Variants in RAB14 observed in about 807,000 individuals in gnomAD.
RAB14 encodes the protein RAB14, member RAS oncogene family.
RAB14 carries 3 observed loss-of-function variants against 31.1 expected under a neutral mutation model. The ratio of observed to expected loss-of-function variants is 0.10; its 90% CI spans 0.04 to 0.25. The LOEUF (loss-of-function observed/expected upper bound fraction) is 0.25. Among genes scored for constraint, RAB14 ranks in the 10% least tolerant of loss-of-function variants. RAB14 has a pLI of 1.00. For synonymous variants in RAB14, 85 were observed against 84.9 expected, an observed-to-expected ratio of 1.00 and a Z score of 0.00; for missense variants, 111 against 260.1, an observed-to-expected ratio of 0.43 and a Z score of 3.94.
rs895428852 is a variant in RAB14, at chr9:121,179,552, C to A, written c.*1844G>T. ...TACACACACACCAGCAGGTCATGGT[C>A]CCTGGGTGAGTCCCTTGTGATGCAA... On this transcript the variant is annotated 3_prime_UTR_variant, in exon 8 of 8. Transcript: ENST00000373840. The A allele has an allele frequency of 6.6e-6, 1 of 152,596 alleles. No homozygotes were observed. The highest frequency in any genetic ancestry group is 2.1e-4 in the South Asian group (1 of 4,826). The allele number at this position is 152,596 out of a possible 1,614,324, so 9.5% of individuals were successfully genotyped here.
chr9:121,195,645 C>T (rs1054419903), intron 1 of RAB14, among the ~76,000 whole-genome samples: 4 of 152,134 alleles, frequency 2.6e-5, no homozygotes, highest in Middle Eastern at 3.4e-3. Context: ...ATCACTATTT[C>T]GGATTTAATA....
intron 5 of RAB14, among the ~76,000 whole-genome samples, chr9:121,184,696 C>T (rs1329752827): frequency 1.3e-5 from 2 of 152,130 alleles, no homozygotes; most frequent in Admixed American, 6.5e-5. Flanking sequence ...CATGCAAGGA[C>T]AGTTAAGTAG....
chr9:121,188,524 T>C (rs186268344), intron 4 of RAB14, among the ~76,000 whole-genome samples: 3 of 151,614 alleles, frequency 2.0e-5, no homozygotes, highest in Non-Finnish European at 1.5e-5. Context: ...CAAATATTAA[T>C]TGGTGGTACT....
At chr9:121,198,314 G>A (rs1348203486) in intron 1 of RAB14, among the ~76,000 whole-genome samples, 1 of 152,116 alleles carries the variant, frequency 6.6e-6, no homozygotes, top group Admixed American at 6.5e-5. Context: ...CTGATAATAA[G>A]AGGAATATCT....
Position 121,182,977 on chromosome 9 carries a change from G to T in RAB14, c.440-17C>A, listed in dbSNP as rs1209685007. ...ACAATAAGCCTAAAAATAAAATTCA[G>T]ACTATAATTAGGACACTTCAAACTA... On this transcript the variant is annotated splice_polypyrimidine_tract_variant and intron_variant, in intron 6 of 7. Coordinates refer to ENST00000373840, the MANE Select transcript of RAB14 (RefSeq NM_016322.4). 1 of 1,602,402 alleles carries T rather than the reference G, an allele frequency of 6.2e-7. No individual in the cohort carries two copies. The highest frequency in any genetic ancestry group is 8.5e-7 in the Non-Finnish European group (1 of 1,171,876).
At chr9:121,194,031 C>CA (rs1316221483) in intron 1 of RAB14, among the ~76,000 whole-genome samples, 1 of 151,056 alleles carries the variant, frequency 6.6e-6, no homozygotes, top group African/African-American at 2.4e-5. Flanking sequence ...ATAGATTTTT[C>CA]AAGTCAAAGT....
chr9:121,198,677 T>C (rs1464055424), intron 1 of RAB14, among the ~76,000 whole-genome samples: 1 of 152,216 alleles, frequency 6.6e-6, no homozygotes, highest in Non-Finnish European at 1.5e-5. Context: ...CATAAACATA[T>C]CTGTTAAGTA....
chr9:121,190,874 T>A (rs1588369909), intron 3 of RAB14, 143 bp from the exon 4 acceptor site: 5 of 750,706 alleles, frequency 6.7e-6, no homozygotes, highest in Non-Finnish European at 1.0e-5. Context: ...AAAAAAAAAA[T>A]TAACAAACAC....
chr9:121,190,432 A>AT (rs1433523417), intron 4 of RAB14, 122 bp downstream of exon 4: 5 of 933,944 alleles, frequency 5.4e-6, no homozygotes, highest in Admixed American at 6.7e-5. Context: ...AAACCATAAA[A>AT]AACAAGTAAG....
Position 121,178,812 on chromosome 9 carries a change from T to G in RAB14, c.*2584A>C, listed in dbSNP as rs1234981851. On this transcript the variant is annotated 3_prime_UTR_variant, in exon 8 of 8. Coordinates refer to ENST00000373840, the MANE Select transcript of RAB14 (RefSeq NM_016322.4). ...AGCACCAATTACTAATCTGAAGGCC[T>G]CCTCACAGGTCCAAGGGCAATGAGC... 2.0e-5 allele frequency: 3 copies of G among 152,202 alleles called. No individual in the cohort carries two copies. The highest frequency in any genetic ancestry group is 2.9e-5 in the Non-Finnish European group (2 of 68,032). The allele number at this position is 152,202 out of a possible 1,614,324, so 9.4% of individuals were successfully genotyped here. A position where few individuals can be genotyped will look rare whatever the true frequency, so the allele number is the denominator to read the frequency against.
intron 4 of RAB14, among the ~76,000 whole-genome samples, chr9:121,188,249 T>C (rs1172730216): frequency 1.3e-5 from 2 of 152,004 alleles, no homozygotes; most frequent in African/African-American, 2.4e-5. Flanking sequence ...ATTCGTATTA[T>C]TGGCATATCT....
intron 6 of RAB14, 130 bp from the exon 7 acceptor site, chr9:121,183,090 G>GT (rs2053641999): frequency 2.2e-6 from 2 of 919,178 alleles, no homozygotes; most frequent in Non-Finnish European, 3.3e-6. Context: ...GAAAAAGTAT[G>GT]TAAGTTTGAG....
At chr9:121,184,237 G>C (rs1028644306) in intron 5 of RAB14, among the ~76,000 whole-genome samples, 1 of 152,156 alleles carries the variant, frequency 6.6e-6, no homozygotes, top group Non-Finnish European at 1.5e-5. Context: ...GGGGCAGCTG[G>C]GAGTAGGGGT....
Position 121,180,156 on chromosome 9 carries a change from C to G in RAB14, c.*1240G>C, listed in dbSNP as rs2053625315. The G allele has an allele frequency of 6.6e-6, 1 of 152,632 alleles. No individual in the cohort carries two copies. The highest frequency in any genetic ancestry group is 6.5e-5 in the Admixed American group (1 of 15,276). 9.5% of individuals were successfully genotyped at this position (152,632 alleles called of 1,614,324 possible). ...CAACATGACATAAAACAGCCCCTCA[C>G]ACTGTGAACACAGGGATATCTTAAG... On this transcript the variant is annotated 3_prime_UTR_variant, in exon 8 of 8. Transcript: ENST00000373840.
intron 1 of RAB14, among the ~76,000 whole-genome samples, chr9:121,201,153 C>G (rs1190229637): frequency 1.3e-5 from 2 of 152,126 alleles, no homozygotes; most frequent in African/African-American, 4.8e-5. Context: ...CTGCGAAGAG[C>G]TGCCTTTGTA....
Position 121,179,268 on chromosome 9 carries a change from G to C in RAB14, c.*2128C>G, listed in dbSNP as rs777639591. Reference sequence around the variant, plus strand: ...TCACCTGAAGAAAAACCCTATTATAGTTCAGAAAATAATGCAACCAATTTT... The same window carrying C: ...TCACCTGAAGAAAAACCCTATTATACTTCAGAAAATAATGCAACCAATTTT... On this transcript the variant is annotated 3_prime_UTR_variant, in exon 8 of 8. Coordinates refer to ENST00000373840, the MANE Select transcript of RAB14 (RefSeq NM_016322.4). The C allele has an allele frequency of 6.6e-6, 1 of 152,584 alleles. No individual in the cohort carries two copies. The highest frequency in any genetic ancestry group is 1.5e-5 in the Non-Finnish European group (1 of 68,030). 9.5% of individuals were successfully genotyped at this position (152,584 alleles called of 1,614,324 possible).
chr9:121,193,688 A>G (rs2053698717), intron 1 of RAB14, among the ~76,000 whole-genome samples: 1 of 152,154 alleles, frequency 6.6e-6, no homozygotes, highest in Admixed American at 6.5e-5. Flanking sequence ...TATCCACTAG[A>G]ACTTAAAAGT....
chr9:121,193,285 G>GT, intron 2 of RAB14, 76 bp downstream of exon 2: 1 of 986,864 alleles, frequency 1.0e-6, no homozygotes, highest in South Asian at 1.4e-5. Context: ...AAGTGGTACT[G>GT]TTTAAGTATT....
chr9:121,188,423 T>C (rs890674524), intron 4 of RAB14, among the ~76,000 whole-genome samples: 1 of 151,832 alleles, frequency 6.6e-6, no homozygotes, highest in African/African-American at 2.4e-5. Context: ...ATTACTTACA[T>C]GTACTATAAC....
Sources: gnomAD v4.1 joint callset for allele counts (sites outside exome capture counted in the v4.1 genomes callset) on GRCh38, gnomAD v4.1.1 for gene constraint, MANE v1.5 for transcripts, NCBI Gene and HGNC (gene_info 2026-07-23, HGNC 2026-07-21) for gene names.